The following GLIS3 variants were observed in gnomAD, a reference collection of about 807,000 sequenced individuals.
GLIS3 encodes the protein GLIS family zinc finger 3, also known as zinc finger protein GLIS3.
Under a neutral mutation model 78.6 loss-of-function variants are expected in GLIS3, and 53 were observed. The ratio of observed to expected loss-of-function variants is 0.67; its 90% CI spans 0.54 to 0.85. The LOEUF is 0.85. GLIS3 is among the 40% of genes least tolerant of loss of function. The pLI, the probability that GLIS3 is intolerant of heterozygous loss-of-function variation, is 0.00. For synonymous variants in GLIS3, 684 were observed against 509.9 expected, an observed-to-expected ratio of 1.34 and a Z score of -4.60; for missense variants, 1,703 against 1,231.1, an observed-to-expected ratio of 1.38 and a Z score of -5.74.
intron 6 of GLIS3, among the ~76,000 whole-genome samples, chr9:3,931,476 C>T (rs1825612125): frequency 6.6e-6 from 1 of 151,958 alleles, no homozygotes; most frequent in East Asian, 1.9e-4. Context: ...TATAAAGGGC[C>T]CTCAAATGAA....
intron 2 of GLIS3, among the ~76,000 whole-genome samples, chr9:4,325,030 A>G (rs1817581533): frequency 6.6e-6 from 1 of 152,150 alleles, no homozygotes. Flanking sequence ...ATTTTTGTCC[A>G]CAGTTAATTG....
intron 2 of GLIS3, among the ~76,000 whole-genome samples, chr9:4,240,577 A>G (rs1023458513): frequency 2.0e-4 from 31 of 152,226 alleles, no homozygotes; most frequent in African/African-American, 7.0e-4. Flanking sequence ...GGGGGTACTA[A>G]TATTACACTT....
At chr9:4,325,349 A>G (rs1214938994) in intron 2 of GLIS3, among the ~76,000 whole-genome samples, 1 of 152,234 alleles carries the variant, frequency 6.6e-6, no homozygotes, top group Non-Finnish European at 1.5e-5. Flanking sequence ...TGGTGACTAG[A>G]ACCCTGAAAA....
chr9:4,387,676 C>A, the GLIS3 span, among the ~76,000 whole-genome samples: 3 of 152,162 alleles, frequency 2.0e-5, no homozygotes, highest in African/African-American at 7.2e-5. Context: ...CTAGGTAGTT[C>A]ACTCATTTGA....
At chr9:4,239,491 C>G (rs1823095640) in intron 2 of GLIS3, among the ~76,000 whole-genome samples, 1 of 152,094 alleles carries the variant, frequency 6.6e-6, no homozygotes, top group Admixed American at 6.5e-5. Flanking sequence ...AGAGCAAACT[C>G]TACTTCATCA....
chr9:4,291,152 T>G (rs1815941174), intron 1 of GLIS3, among the ~76,000 whole-genome samples: 1 of 152,154 alleles, frequency 6.6e-6, no homozygotes, highest in South Asian at 2.1e-4. Context: ...CTAACGTTGG[T>G]AATTCTAAGA....
chr9:4,286,241 A>T lies in GLIS3; in HGVS notation c.185T>A (p.Met62Lys), dbSNP rs753428724. ...AGGAGCCATCCCTCCTCCTGAGGGC[A>T]TCTTGAGATGGAGGTTGTTAGCAAG... Reference protein sequence around the residue: ...ASLANNLHLKMPSGGGMAPQN... With the variant: ...ASLANNLHLKKPSGGGMAPQN... The change falls in exon 2 of 11, where the codon ATG (methionine) becomes AAG (lysine). Residue 62 changes from methionine to lysine, a missense_variant. Coordinates refer to ENST00000381971, the MANE Select transcript of GLIS3 (RefSeq NM_001042413.2). The T allele has an allele frequency of 6.2e-7, 1 of 1,614,180 alleles. No individual in the cohort carries two copies. Among genetic ancestry groups the T allele is most frequent in the Non-Finnish European group, 8.5e-7 (1 of 1,180,024 alleles).
intron 6 of GLIS3, among the ~76,000 whole-genome samples, chr9:3,903,062 G>A (rs1387004508): frequency 6.6e-6 from 1 of 152,152 alleles, no homozygotes; most frequent in African/African-American, 2.4e-5. Flanking sequence ...GTAGCTTGTT[G>A]TCATCATAAA....
At chr9:3,850,929 C>T (rs574998038) in intron 9 of GLIS3, among the ~76,000 whole-genome samples, 1 of 152,250 alleles carries the variant, frequency 6.6e-6, no homozygotes, top group African/African-American at 2.4e-5. Flanking sequence ...ATCACTTCTA[C>T]AGACCCTTCT....
intron 4 of GLIS3, among the ~76,000 whole-genome samples, chr9:4,039,418 G>A (rs1331567834): frequency 1.3e-5 from 2 of 152,132 alleles, no homozygotes; most frequent in Non-Finnish European, 2.9e-5. Flanking sequence ...TCCAGACAAT[G>A]TATTTCCTGT....
intron 4 of GLIS3, among the ~76,000 whole-genome samples, chr9:4,307,941 G>A (rs909733378): frequency 2.6e-5 from 4 of 152,130 alleles, no homozygotes; most frequent in African/African-American, 9.7e-5. Flanking sequence ...GTTGTTTAGG[G>A]TGCTATTTAG....
At position 3,949,416 on chromosome 9, in the gene GLIS3, G is replaced by GA. The variant is rs552932387; in HGVS notation, c.1711-12228dup. On this transcript the variant is annotated intron_variant, in intron 4 of 10. Transcript: ENST00000381971. ...GCCACTCAGAAGCCTGGGCTGCTGA[G>GA]AAAAAAATGCAAAGTGATACCTGGC... is the stretch of plus-strand genomic sequence containing the variant. Among the ~76,000 whole-genome samples the GA allele has an allele frequency of 2.6e-5, 4 of 152,210 alleles. No homozygotes were observed. In the East Asian group the frequency reaches 5.8e-4, roughly 22 times the overall value.
intron 2 of GLIS3, among the ~76,000 whole-genome samples, chr9:4,273,067 T>C (rs1056400102): frequency 1.3e-5 from 2 of 152,240 alleles, no homozygotes; most frequent in Non-Finnish European, 2.9e-5. Flanking sequence ...TATAGAGCTT[T>C]TACGGTTCTA....
At chr9:4,307,057 G>A (rs141517000) in intron 4 of GLIS3, among the ~76,000 whole-genome samples, 10 of 152,346 alleles carry the variant, frequency 6.6e-5, no homozygotes, top group African/African-American at 2.4e-4. Flanking sequence ...TTAAGACACA[G>A]TTTAGTTATG....
At chr9:3,927,167 A>T (rs182959395) in intron 6 of GLIS3, among the ~76,000 whole-genome samples, 11 of 152,316 alleles carry the variant, frequency 7.2e-5, no homozygotes, top group Non-Finnish European at 1.3e-4. Flanking sequence ...TCTTATACAC[A>T]TTTGTATCTC....
the GLIS3 span, among the ~76,000 whole-genome samples, chr9:4,396,321 G>A: frequency 2.8e-4 from 42 of 152,036 alleles, no homozygotes; most frequent in Middle Eastern, 6.8e-3. Flanking sequence ...GTTTCACCAG[G>A]TTGATCTCGA....
At chr9:4,332,314 T>C (rs1413055736) in intron 2 of GLIS3, among the ~76,000 whole-genome samples, 1 of 152,168 alleles carries the variant, frequency 6.6e-6, no homozygotes, top group African/African-American at 2.4e-5. Context: ...CAGGGACTGT[T>C]AACTGGCCCT....
intron 2 of GLIS3, among the ~76,000 whole-genome samples, chr9:4,225,950 T>G (rs1414231631): frequency 1.3e-5 from 2 of 152,198 alleles, no homozygotes; most frequent in East Asian, 3.9e-4. Context: ...AGAACACTTA[T>G]TAGCGCCACC....
chr9:3,874,012 C>G lies in GLIS3; in HGVS notation c.2297+5415G>C, dbSNP rs377438374. Among the ~76,000 whole-genome samples the G allele has an allele frequency of 1.7e-3, 264 of 152,254 alleles. 5 individuals are homozygous for G. In the South Asian group the frequency reaches 0.024, roughly 14 times the overall value. On this transcript the variant is annotated intron_variant, in intron 8 of 10. Coordinates refer to ENST00000381971, the MANE Select transcript of GLIS3 (RefSeq NM_001042413.2). Reference sequence around the variant, plus strand: ...TATATATTTGGTCTTCCTCCCCATTCCTGGCATACAACTTCTGAAATCCTT... The same window carrying G: ...TATATATTTGGTCTTCCTCCCCATTGCTGGCATACAACTTCTGAAATCCTT...
Sources: gnomAD v4.1 joint callset for allele counts (sites outside exome capture counted in the v4.1 genomes callset) on GRCh38, gnomAD v4.1.1 for gene constraint, MANE v1.5 for transcripts, NCBI Gene and HGNC (gene_info 2026-07-23, HGNC 2026-07-21) for gene names.